Variants in RAD51B observed in about 807,000 individuals in gnomAD.
RAD51B encodes the protein RAD51 paralog B.
A neutral mutation model predicts 42.2 loss-of-function variants in RAD51B; 38 were observed. The ratio of observed to expected loss-of-function variants is 0.90; its 90% confidence interval spans 0.70 to 1.18. The LOEUF (loss-of-function observed/expected upper bound fraction) is 1.18. Ranked by LOEUF, RAD51B falls within the 50% of genes most tolerant of loss-of-function variation. The pLI, the probability that RAD51B is intolerant of heterozygous loss-of-function variation, is 0.00. For missense variants in RAD51B, 373 were observed against 400.7 expected (o/e 0.93, Z 0.59); for synonymous variants, 154 against 145.2 (o/e 1.06, Z -0.43).
In RAD51B at chr14:68,538,629, C is replaced by G. The variant is rs543812788; in HGVS notation, c.1037-55856C>G. Among the ~76,000 whole-genome samples, 473 of 141,348 alleles carry G rather than the reference C, an allele frequency of 3.3e-3. 4 individuals carry two copies. The highest frequency in any genetic ancestry group is 0.012 in the African/African-American group (456 of 38,790). The allele number at this position is 141,348 out of a possible 152,430, so 92.7% of individuals were successfully genotyped here. On this transcript the variant is annotated intron_variant, in intron 10 of 10. Coordinates refer to the RAD51B transcript ENST00000487270. ...CATAGTTTGTTTGGCTAGCACACCG[C>G]TTTTTTTTTTTTTCTTTTTTAACAT... is the stretch of plus-strand genomic sequence containing the variant.
At chr14:68,306,445 T>C (rs1462643909) in intron 8 of RAD51B, among the ~76,000 whole-genome samples, 2 of 152,212 alleles carry the variant, frequency 1.3e-5, no homozygotes, top group Non-Finnish European at 2.9e-5. Context: ...TCATTTTTTT[T>C]CTCCATGAGA....
chr14:68,420,436 T>G (rs994392365), intron 9 of RAD51B, among the ~76,000 whole-genome samples: 7 of 146,872 alleles, frequency 4.8e-5, no homozygotes, highest in African/African-American at 1.0e-4. Context: ...TTTTTATGGG[T>G]TTTTTTTTTA....
chr14:68,428,707 T>TTATATATA (rs532906803), intron 9 of RAD51B, among the ~76,000 whole-genome samples: 3 of 99,576 alleles, frequency 3.0e-5, no homozygotes, highest in Non-Finnish European at 3.9e-5. Flanking sequence ...AGGATTTTCT[T>TTATATATA]TATATATATA....
intron 9 of RAD51B, among the ~76,000 whole-genome samples, chr14:68,427,960 G>C (rs1245808052): frequency 6.6e-6 from 1 of 152,198 alleles, no homozygotes; most frequent in Admixed American, 6.5e-5. Flanking sequence ...GTCATGAATG[G>C]ATTAATGCTG....
chr14:68,637,316 C>T (rs1299027465), intron 10 of RAD51B, among the ~76,000 whole-genome samples: 2 of 152,132 alleles, frequency 1.3e-5, no homozygotes, highest in Admixed American at 6.5e-5. Context: ...TGGCCTCAAG[C>T]GATCCTCCCA....
chr14:68,160,099 A>G (rs1397250978), intron 7 of RAD51B, among the ~76,000 whole-genome samples: 1 of 149,162 alleles, frequency 6.7e-6, no homozygotes, highest in Non-Finnish European at 1.5e-5. Flanking sequence ...GACAGACTTC[A>G]TGGTTAAAGC....
At chr14:68,000,961 A>G (rs2075471483) in intron 7 of RAD51B, among the ~76,000 whole-genome samples, 1 of 152,148 alleles carries the variant, frequency 6.6e-6, no homozygotes, top group Non-Finnish European at 1.5e-5. Flanking sequence ...TTATGTATTT[A>G]TAATATTGAA....
chr14:68,295,558 G>A (rs2139672977), intron 8 of RAD51B, among the ~76,000 whole-genome samples: 1 of 152,266 alleles, frequency 6.6e-6, no homozygotes, highest in African/African-American at 2.4e-5. Context: ...TAAGATAGGA[G>A]CTCTTTTGAT....
chr14:68,637,691 T>C (rs1189188995), intron 10 of RAD51B, among the ~76,000 whole-genome samples: 1 of 152,126 alleles, frequency 6.6e-6, no homozygotes, highest in Non-Finnish European at 1.5e-5. Context: ...CAAGACAGGA[T>C]GTGAATAAGA....
chr14:67,903,721 G>C (rs2043687613), intron 7 of RAD51B, among the ~76,000 whole-genome samples: 1 of 152,174 alleles, frequency 6.6e-6, no homozygotes, highest in Non-Finnish European at 1.5e-5. Context: ...GTTCTGGACA[G>C]TGTTACCTGT....
chr14:68,316,490 A>G (rs1269724767), intron 8 of RAD51B, among the ~76,000 whole-genome samples: 1 of 152,242 alleles, frequency 6.6e-6, no homozygotes, highest in Non-Finnish European at 1.5e-5. Context: ...CCAACATGCA[A>G]CATTAGGTAG....
At position 68,668,705 on chromosome 14, in the gene RAD51B, C is replaced by T. The variant is rs186862761; in HGVS notation, c.*11+17849C>T. Among the ~76,000 whole-genome samples, 539 of 152,360 alleles carry T rather than the reference C, an allele frequency of 3.5e-3. 2 individuals carry two copies. Among genetic ancestry groups the T allele is most frequent in the Non-Finnish European group, 4.8e-3 (324 of 68,030 alleles). On this transcript the variant is annotated intron_variant, in intron 11 of 11. Transcript: ENST00000488612. Reference sequence around the variant, plus strand: ...CTCCCCTCTGCCGCCCGAGTCATCTCACAGATGGCGGGCTGTTCTCCTGCA... The same window carrying T: ...CTCCCCTCTGCCGCCCGAGTCATCTTACAGATGGCGGGCTGTTCTCCTGCA...
At chr14:67,988,315 C>T (rs562553089) in intron 7 of RAD51B, among the ~76,000 whole-genome samples, 60 of 151,954 alleles carry the variant, frequency 3.9e-4, no homozygotes, top group Non-Finnish European at 6.9e-4. Context: ...AAAAATTAGC[C>T]GGGTGTGGTG....
chr14:68,050,714 C>T (rs147541588), intron 7 of RAD51B, among the ~76,000 whole-genome samples: 4 of 152,212 alleles, frequency 2.6e-5, no homozygotes, highest in African/African-American at 9.6e-5. Context: ...CTTCTCTTCC[C>T]CCTCTCCCCA....
Position 68,540,402 on chromosome 14 carries a change from C to T in RAD51B, c.1037-54083C>T, listed in dbSNP as rs563557226. ...GAACCCTGAAAGTCATTACATATGA[C>T]TTATTCAGCCCTCCCTTATTCAATT... On this transcript the variant is annotated intron_variant, in intron 10 of 10. Coordinates refer to the RAD51B transcript ENST00000487270. The T allele has an allele frequency of 5.1e-6, 5 of 985,164 alleles. No homozygotes were observed. The South Asian group carries it at 1.4e-4, about 28-fold the overall frequency. The allele number at this position is 985,164 out of a possible 1,614,324, so 61.0% of individuals were successfully genotyped here.
downstream of RAD51B, among the ~76,000 whole-genome samples, chr14:68,600,061 C>T (rs1298216292): frequency 2.0e-5 from 3 of 152,206 alleles, no homozygotes; most frequent in South Asian, 2.1e-4. Context: ...TACCCTGTCC[C>T]CCTACAGGAC....
chr14:68,405,975 T>C (rs999694596), intron 8 of RAD51B, among the ~76,000 whole-genome samples: 1 of 152,174 alleles, frequency 6.6e-6, no homozygotes, highest in Non-Finnish European at 1.5e-5. Flanking sequence ...TTTCTAGAGT[T>C]TACTTGAAAA....
intron 7 of RAD51B, among the ~76,000 whole-genome samples, chr14:67,953,491 C>T (rs2074491132): frequency 2.0e-5 from 3 of 152,002 alleles, no homozygotes; most frequent in South Asian, 4.1e-4. Context: ...GTGGGGAGTC[C>T]ATGAAGACTT....
chr14:67,898,589 A>T (rs2043502274), intron 7 of RAD51B, among the ~76,000 whole-genome samples: 1 of 152,240 alleles, frequency 6.6e-6, no homozygotes, highest in Non-Finnish European at 1.5e-5. Flanking sequence ...TACACTGTAT[A>T]AATAAAGAGC....
Sources: gnomAD v4.1 joint callset for allele counts (sites outside exome capture counted in the v4.1 genomes callset) on GRCh38, gnomAD v4.1.1 for gene constraint, MANE v1.5 for transcripts, NCBI Gene and HGNC (gene_info 2026-07-23, HGNC 2026-07-21) for gene names.